The following TRIM3 variants were observed in gnomAD, a reference collection of about 807,000 sequenced individuals.
TRIM3 encodes the protein tripartite motif-containing protein 3.
In TRIM3, 13 loss-of-function variants were observed where a neutral mutation model predicts 66.6. The ratio of observed to expected loss-of-function variants is 0.20; its 90% CI spans 0.13 to 0.31. The LOEUF is 0.31. Ranked by LOEUF, TRIM3 falls within the 10% of genes least tolerant of loss-of-function variation. The pLI is 1.00. For synonymous variants in TRIM3, 406 were observed against 411.7 expected (o/e 0.99, Z 0.17); for missense variants, 711 against 1,020.4 (o/e 0.70, Z 4.13).
chr11:6,470,930 G>A (rs1318766509), intron 1 of TRIM3, among the ~76,000 whole-genome samples: 3 of 152,202 alleles, frequency 2.0e-5, no homozygotes, highest in African/African-American at 7.2e-5. Context: ...ATGAACAAGG[G>A]AGTGAAATGC....
intron 2 of TRIM3, among the ~76,000 whole-genome samples, chr11:6,459,092 A>G (rs1850111364): frequency 6.6e-6 from 1 of 152,240 alleles, no homozygotes; most frequent in Non-Finnish European, 1.5e-5. Flanking sequence ...GGTGTCCAGG[A>G]AAGTCTTCAG....
In TRIM3 at chr11:6,456,047, G is replaced by A. The variant is rs546953043; in HGVS notation, c.1533+25C>T. 1 of 1,604,248 alleles carries A rather than the reference G, an allele frequency of 6.2e-7. No homozygotes were observed. Among genetic ancestry groups the A allele is most frequent in the Non-Finnish European group, 8.5e-7 (1 of 1,171,082 alleles). ...GCTTGAAAACTCTTATTTTGGTGGT[G>A]GAGGAGAGCGGTAAAGGTGCTTACC... On this transcript the variant is annotated intron_variant, in intron 7 of 11. Coordinates refer to ENST00000345851, the MANE Select transcript of TRIM3 (RefSeq NM_033278.4). The surrounding 1 kb of genome is among the most constrained non-coding windows in gnomAD (Gnocchi z 6.4).
chr11:6,448,730 C>A lies in TRIM3; in HGVS notation c.*298G>T. 1.6e-6 allele frequency: 1 copy of A among 611,666 alleles called. No homozygotes were observed. The allele number at this position is 611,666 out of a possible 1,614,324, so 37.9% of individuals were successfully genotyped here. ...CTGTCCTGGGGTAGGCTGTTCTGGCCCCAGGCTGGGGGATGGGGAGCAGAC... is the reference window on the plus strand; with the variant it reads ...CTGTCCTGGGGTAGGCTGTTCTGGCACCAGGCTGGGGGATGGGGAGCAGAC... On this transcript the variant is annotated 3_prime_UTR_variant, in exon 12 of 12. Coordinates refer to ENST00000345851, the MANE Select transcript of TRIM3 (RefSeq NM_033278.4).
rs145197784 is a variant in TRIM3 at position 6,457,001 on chromosome 11, C to A, written c.725G>T (p.Arg242Leu). ...KVLQSQLDTL[R>L]QGQEHIGSSC... is the part of the protein sequence containing the mutation. ...ACTGCCGATGTGTTCCTGACCCTGG[C>A]GCAGTGTGTCCAGCTGGCTTTGCAA... The change falls in exon 6 of 12, where the codon CGC becomes CTC. Residue 242 changes from arginine (R) to leucine (L), a missense_variant. Physicochemically the swap from Arg to Leu is moderately radical, Grantham distance 102. Around this residue, in one of 3 missense-constraint regions of TRIM3, gnomAD observed 399 missense variants for 458.1 expected, o/e 0.87. Transcript: ENST00000345851. This position sits in a 1 kb window ranked among gnomAD's most constrained non-coding sequence, Gnocchi z 4.5. The A allele has an allele frequency of 1.3e-6, 2 of 1,596,216 alleles. No individual in the cohort carries two copies.
chr11:6,471,878 T>C (rs1415177639), intron 1 of TRIM3, among the ~76,000 whole-genome samples: 1 of 151,992 alleles, frequency 6.6e-6, no homozygotes, highest in Non-Finnish European at 1.5e-5. Context: ...CTAAGAAATA[T>C]GGAACAGATG....
chr11:6,462,823 G>A (rs569055919), intron 2 of TRIM3, among the ~76,000 whole-genome samples: 151 of 152,146 alleles, frequency 9.9e-4, no homozygotes, highest in Admixed American at 2.8e-3. Flanking sequence ...TCAGGAGGCT[G>A]AGGCAGGAGG....
chr11:6,462,533 G>A (rs35717222), intron 2 of TRIM3, among the ~76,000 whole-genome samples: 28,077 of 151,488 alleles, frequency 0.19, 2,801 homozygotes, highest in African/African-American at 0.25. Flanking sequence ...TCAGCCTCCC[G>A]ATTAGCTAGA....
At position 6,449,544 on chromosome 11, in the gene TRIM3, AC is replaced by A; in HGVS notation, c.1942-99del. On this transcript the variant is annotated intron_variant, in intron 10 of 11. Transcript: ENST00000345851. This position sits in a 1 kb window ranked among gnomAD's most constrained non-coding sequence, Gnocchi z 5.3. ...TGAAGCCCCAGGGCTGAGAACCCCC[AC>A]CCAGATCTACAGCTACAGCCCAAAT... The A allele has an allele frequency of 8.2e-7, 1 of 1,220,458 alleles. No homozygotes were observed. The highest frequency in any genetic ancestry group is 1.1e-6 in the Non-Finnish European group (1 of 883,122). 75.6% of individuals were successfully genotyped at this position (1,220,458 alleles called of 1,614,324 possible). A position where few individuals can be genotyped will look rare whatever the true frequency, so the allele number is the denominator to read the frequency against.
chr11:6,453,799 AGAAGT>A (rs1198829438), intron 7 of TRIM3, among the ~76,000 whole-genome samples: 2 of 152,236 alleles, frequency 1.3e-5, no homozygotes. Flanking sequence ...CCTCCACCAT[AGAAGT>A]GTCCAAAAGA....
chr11:6,465,765 C>T lies in TRIM3; in HGVS notation c.-37-33G>A, dbSNP rs1181448605. 3.2e-6 allele frequency: 5 copies of T among 1,587,108 alleles called. No homozygotes were observed. The Admixed American group carries it at 8.4e-5, about 27-fold the overall frequency. ...GAGAGATGGTCAGCACCAGGGAGTC[C>T]AGAACTTCTTCTCCCCACCCAATCC... On this transcript the variant is annotated intron_variant, in intron 1 of 11. Coordinates refer to ENST00000345851, the MANE Select transcript of TRIM3 (RefSeq NM_033278.4).
chr11:6,455,724 A>T (rs1392488317), intron 7 of TRIM3, among the ~76,000 whole-genome samples: 1 of 152,198 alleles, frequency 6.6e-6, no homozygotes, highest in Non-Finnish European at 1.5e-5. Context: ...ACCAGGAGAA[A>T]AAGGGAGAAA....
At position 6,457,459 on chromosome 11, in the gene TRIM3, G is replaced by T. The variant is rs780211545; in HGVS notation, c.533C>A (p.Ala178Glu). 5.6e-6 allele frequency: 9 copies of T among 1,612,654 alleles called. No homozygotes were observed. Among genetic ancestry groups the T allele is most frequent in the African/African-American group, 2.7e-5 (2 of 74,880 alleles). ...AVRGRLPQLS[A>E]AIALVGGISQ... is the part of the protein sequence containing the mutation. ...GATGCCCCCGACTAAGGCAATTGCT[G>T]CGGACAGCTGTGGCAATCTGGAGGG... The change falls in exon 5 of 12, where the codon GCA becomes GAA. Residue 178 changes from alanine (A) to glutamate (E), a missense_variant. By Grantham distance (107) the Ala-to-Glu change is moderately radical. Transcript: ENST00000345851. The surrounding 1 kb of genome is among the most constrained non-coding windows in gnomAD (Gnocchi z 4.5).
intron 1 of TRIM3, among the ~76,000 whole-genome samples, chr11:6,471,574 C>A (rs1277852317): frequency 1.3e-5 from 2 of 152,226 alleles, no homozygotes; most frequent in Admixed American, 6.5e-5. Flanking sequence ...GGTCCTTCAG[C>A]TGTGAAATAG....
chr11:6,456,250 C>T lies in TRIM3; in HGVS notation c.1429+47G>A, dbSNP rs1056953483. On this transcript the variant is annotated intron_variant, in intron 6 of 11. Transcript: ENST00000345851. This position sits in a 1 kb window ranked among gnomAD's most constrained non-coding sequence, Gnocchi z 6.4. ...CTTGAACCTCCCTTCCCTCCCCACC[C>T]ACTACCTGAGCCTGGCCCATCTGGC... 1 of 1,596,764 alleles carries T rather than the reference C, an allele frequency of 6.3e-7. No individual in the cohort carries two copies. The highest frequency in any genetic ancestry group is 1.7e-5 in the Admixed American group (1 of 59,306).
In TRIM3 at chr11:6,471,963, T is replaced by C. The variant is rs1850700282; in HGVS notation, c.-38+1828A>G. Among the ~76,000 whole-genome samples the C allele has an allele frequency of 1.3e-5, 2 of 151,992 alleles. 1 individual carries two copies. On this transcript the variant is annotated intron_variant, in intron 1 of 11. Coordinates refer to ENST00000345851, the MANE Select transcript of TRIM3 (RefSeq NM_033278.4). ...CATCCTAAAAGCATAAAAATAAATATGCTAAAAATAAATAAATCTAAATAA... is the reference window on the plus strand; with the variant it reads ...CATCCTAAAAGCATAAAAATAAATACGCTAAAAATAAATAAATCTAAATAA...
Position 6,458,443 on chromosome 11 carries a change from T to C in TRIM3, c.132-147A>G. ...ACCTCTCTGCTTGACACATCTCATC[T>C]GCCAGCAGGTATAATGGCCTTGCCC... On this transcript the variant is annotated intron_variant, in intron 2 of 11. Transcript: ENST00000345851. This position sits in a 1 kb window ranked among gnomAD's most constrained non-coding sequence, Gnocchi z 6.2. The C allele has an allele frequency of 3.0e-6, 2 of 667,712 alleles. No individual in the cohort carries two copies. Among genetic ancestry groups the C allele is most frequent in the Non-Finnish European group, 5.2e-6 (2 of 388,238 alleles). 41.4% of individuals were successfully genotyped at this position (667,712 alleles called of 1,614,324 possible). A position where few individuals can be genotyped will look rare whatever the true frequency, so the allele number is the denominator to read the frequency against.
chr11:6,451,103 G>T (rs753248745), intron 8 of TRIM3, 43 bp from the exon 9 acceptor site: 1 of 1,609,652 alleles, frequency 6.2e-7, no homozygotes. Flanking sequence ...TTCTGACAGT[G>T]GGGAAAGTAG....
At chr11:6,460,304 A>C (rs1850170276) in intron 2 of TRIM3, among the ~76,000 whole-genome samples, 1 of 152,068 alleles carries the variant, frequency 6.6e-6, no homozygotes, top group Non-Finnish European at 1.5e-5. Flanking sequence ...TGACTGCTGG[A>C]AGTTGAGTGA....
At position 6,473,846 on chromosome 11, in the gene TRIM3, C is replaced by G. The variant is rs967951562; in HGVS notation, c.-93G>C. The stretch of plus-strand genomic sequence containing the variant: ...CGGACTGCGGCCACTCTGAAGGGCC[C>G]GCGGCGCTGCTACTGCTGCCAGCGC... On this transcript the variant is annotated 5_prime_UTR_variant, in exon 1 of 12. Transcript: ENST00000345851. 1 of 152,226 alleles carries G rather than the reference C, an allele frequency of 6.6e-6. No individual in the cohort carries two copies. The highest frequency in any genetic ancestry group is 1.5e-5 in the Non-Finnish European group (1 of 67,992). The allele number at this position is 152,226 out of a possible 1,614,324, so 9.4% of individuals were successfully genotyped here.
Sources: gnomAD v4.1 joint callset for allele counts (sites outside exome capture counted in the v4.1 genomes callset) on GRCh38, gnomAD v4.1.1 for gene constraint, gnomAD v4.1.1 regional missense constraint, Gnocchi (gnomAD v3.1) non-coding constraint, MANE v1.5 for transcripts, NCBI Gene and HGNC (gene_info 2026-07-23, HGNC 2026-07-21) for gene names.